Variants in NRF1 observed in about 807,000 individuals in gnomAD.
The protein encoded by NRF1 is alpha palindromic-binding protein.
Under a neutral mutation model 58.5 loss-of-function variants are expected in NRF1, and 5 were observed. The ratio of observed to expected loss-of-function variants is 0.09; its 90% confidence interval spans 0.04 to 0.18. The LOEUF (loss-of-function observed/expected upper bound fraction) is 0.18. Among genes scored for constraint, NRF1 ranks in the 10% least tolerant of loss-of-function variants. The probability of loss-of-function intolerance (pLI) is 1.00; values close to 1 mark genes in which losing one functional copy is unlikely to be tolerated. For synonymous variants in NRF1, 224 were observed against 246.7 expected, an observed-to-expected ratio of 0.91 and a Z score of 0.86; for missense variants, 288 against 657.7, an observed-to-expected ratio of 0.44 and a Z score of 6.15.
chr7:129,730,629 C>G (rs576494039), intron 10 of NRF1, among the ~76,000 whole-genome samples: 5 of 151,936 alleles, frequency 3.3e-5, no homozygotes, highest in Non-Finnish European at 7.4e-5. Flanking sequence ...GTGGCGCGGG[C>G]GGGTGAGGTT....
intron 6 of NRF1, 89 bp from the exon 7 acceptor site, chr7:129,710,285 G>C: frequency 8.4e-7 from 1 of 1,192,118 alleles, no homozygotes; most frequent in Non-Finnish European, 1.2e-6. Context: ...GGTTTGATTT[G>C]ATAAAGAAGT....
At chr7:129,728,525 A>C (rs1005216715) in intron 10 of NRF1, among the ~76,000 whole-genome samples, 4 of 151,960 alleles carry the variant, frequency 2.6e-5, no homozygotes, top group African/African-American at 9.7e-5. Flanking sequence ...GATAAATAAC[A>C]TACTTTCATC....
intron 2 of NRF1, among the ~76,000 whole-genome samples, chr7:129,662,740 G>T (rs1454452750): frequency 2.0e-5 from 3 of 151,876 alleles, no homozygotes; most frequent in African/African-American, 4.8e-5. Flanking sequence ...CCAATTTAAG[G>T]TTTATTTATT....
At chr7:129,688,395 G>C (rs957163395) in intron 4 of NRF1, among the ~76,000 whole-genome samples, 2 of 152,118 alleles carry the variant, frequency 1.3e-5, no homozygotes, top group Non-Finnish European at 2.9e-5. Flanking sequence ...CCAATGTGCT[G>C]GGATTACAGG....
At chr7:129,631,234 T>C (rs988595685) in intron 1 of NRF1, among the ~76,000 whole-genome samples, 2 of 61,790 alleles carry the variant, frequency 3.2e-5, no homozygotes, top group African/African-American at 4.4e-5. Flanking sequence ...GAATTTGATT[T>C]AATTTTTTTT....
intron 1 of NRF1, among the ~76,000 whole-genome samples, chr7:129,633,979 C>T (rs1406007749): frequency 1.3e-5 from 2 of 149,202 alleles, no homozygotes; most frequent in East Asian, 1.9e-4. Context: ...CCCTGTACCC[C>T]ACTTTGACCG....
intron 10 of NRF1, among the ~76,000 whole-genome samples, chr7:129,744,956 C>T (rs1257264671): frequency 2.0e-5 from 3 of 151,894 alleles, no homozygotes; most frequent in African/African-American, 7.3e-5. Flanking sequence ...TTGTACTCCT[C>T]CCTCTCCTGG....
chr7:129,647,369 G>T (rs1801432557), intron 1 of NRF1, among the ~76,000 whole-genome samples: 1 of 150,378 alleles, frequency 6.6e-6, no homozygotes, highest in African/African-American at 2.4e-5. Flanking sequence ...AAGTCATTAT[G>T]AAGTTGTGTG....
chr7:129,748,695 T>G (rs1332171346), intron 10 of NRF1, among the ~76,000 whole-genome samples: 1 of 152,180 alleles, frequency 6.6e-6, no homozygotes, highest in Admixed American at 6.5e-5. Context: ...TGGGATGGCT[T>G]TTGCCAAACA....
intron 10 of NRF1, among the ~76,000 whole-genome samples, chr7:129,748,076 C>G (rs1244357136): frequency 1.3e-5 from 2 of 151,782 alleles, no homozygotes; most frequent in Non-Finnish European, 2.9e-5. Context: ...GAGTTCAAGA[C>G]CAGCCTGACT....
Position 129,756,539 on chromosome 7 carries a change from CTTTCTCAGCTGCAAGCCCTG to C in NRF1, c.*1359_*1378del. 6.5e-6 allele frequency: 1 copy of C among 152,808 alleles called. No homozygotes were observed. The highest frequency in any genetic ancestry group is 1.9e-4 in the East Asian group (1 of 5,184). 9.5% of individuals were successfully genotyped at this position (152,808 alleles called of 1,614,324 possible). ...TGTTCTTGGTAACCGTTAACTCTGT[CTTTCTCAGCTGCAAGCCCTG>C]AGTCTCCAGTAGCTGAATTCACCTG... On this transcript the variant is annotated 3_prime_UTR_variant, in exon 11 of 11. Transcript: ENST00000393232.
chr7:129,702,766 A>C (rs951621679), intron 5 of NRF1, among the ~76,000 whole-genome samples: 1 of 152,120 alleles, frequency 6.6e-6, no homozygotes, highest in Non-Finnish European at 1.5e-5. Context: ...TTTGCTTTCA[A>C]CTGCCTTCTC....
intron 1 of NRF1, among the ~76,000 whole-genome samples, chr7:129,627,326 C>T (rs1307322269): frequency 6.6e-6 from 1 of 152,124 alleles, no homozygotes; most frequent in Non-Finnish European, 1.5e-5. Context: ...GTCCTCCCAC[C>T]TTAGTTTCCC....
chr7:129,659,564 G>A (rs914389003), intron 2 of NRF1, among the ~76,000 whole-genome samples: 1 of 152,144 alleles, frequency 6.6e-6, no homozygotes, highest in Non-Finnish European at 1.5e-5. Flanking sequence ...CTTGAAGGAT[G>A]TTTTCACTGA....
chr7:129,631,318 C>T (rs571005809), intron 1 of NRF1, among the ~76,000 whole-genome samples: 34 of 151,996 alleles, frequency 2.2e-4, no homozygotes, highest in Admixed American at 2.0e-3. Flanking sequence ...CTCCCTGACT[C>T]AAGCAGTCCT....
chr7:129,638,246 C>G (rs1463767947), intron 1 of NRF1, among the ~76,000 whole-genome samples: 1 of 152,146 alleles, frequency 6.6e-6, no homozygotes, highest in Non-Finnish European at 1.5e-5. Flanking sequence ...CCTTTTCTTT[C>G]AGACAATAGC....
rs1333663619 is a variant in NRF1, at chr7:129,756,251, A to G, written c.*1070A>G. The G allele has an allele frequency of 1.3e-5, 2 of 152,274 alleles. No homozygotes were observed. Among genetic ancestry groups the G allele is most frequent in the African/African-American group, 2.4e-5 (1 of 41,434 alleles). 9.4% of individuals were successfully genotyped at this position (152,274 alleles called of 1,614,324 possible). ...TCACAGAGGAGGCGCTGGAATGAACAAGAAGAGACATCTGGTCTGTGGCCA... is the reference window on the plus strand; with the variant it reads ...TCACAGAGGAGGCGCTGGAATGAACGAGAAGAGACATCTGGTCTGTGGCCA... On this transcript the variant is annotated 3_prime_UTR_variant, in exon 11 of 11. Coordinates refer to ENST00000393232, the MANE Select transcript of NRF1 (RefSeq NM_005011.5).
intron 5 of NRF1, among the ~76,000 whole-genome samples, chr7:129,703,707 T>C (rs1046834439): frequency 1.3e-5 from 2 of 152,258 alleles, no homozygotes; most frequent in Non-Finnish European, 2.9e-5. Context: ...TCTTTTGGTA[T>C]AGGGGCAAAT....
chr7:129,750,569 G>A (rs1315701376), intron 10 of NRF1, among the ~76,000 whole-genome samples: 1 of 152,186 alleles, frequency 6.6e-6, no homozygotes, highest in Non-Finnish European at 1.5e-5. Flanking sequence ...GCGGAATTGG[G>A]GTTCCAAGGC....
Sources: allele counts gnomAD v4.1 joint callset (sites outside exome capture counted in the v4.1 genomes callset), GRCh38; gene constraint gnomAD v4.1.1; transcripts MANE v1.5; gene names NCBI Gene and HGNC (gene_info 2026-07-23, HGNC 2026-07-21).